ATRNL1: variants seen among roughly 807,000 people sequenced by gnomAD.
ATRNL1 encodes attractin-like protein 1.
A neutral mutation model predicts 182.7 loss-of-function variants in ATRNL1; 95 were observed. The ratio of observed to expected loss-of-function variants is 0.52; its 90% CI spans 0.44 to 0.62. The LOEUF is 0.62. Ranked by LOEUF, ATRNL1 falls within the 20% of genes least tolerant of loss-of-function variation. ATRNL1 has a pLI of 0.00. For missense variants in ATRNL1, 1,471 were observed against 1,679.5 expected, an observed-to-expected ratio of 0.88 and a Z score of 2.17; for synonymous variants, 576 against 568.3, an observed-to-expected ratio of 1.01 and a Z score of -0.19.
At chr10:115,738,664 A>T (rs1238861329) in intron 27 of ATRNL1, among the ~76,000 whole-genome samples, 1 of 152,166 alleles carries the variant, frequency 6.6e-6, no homozygotes, top group African/African-American at 2.4e-5. Context: ...ATTAACATAA[A>T]CATCGTGAGT....
At chr10:115,661,420 G>A (rs1021741491) in intron 26 of ATRNL1, among the ~76,000 whole-genome samples, 2 of 152,068 alleles carry the variant, frequency 1.3e-5, no homozygotes, top group African/African-American at 4.8e-5. Context: ...GGAGAAATGA[G>A]TTAGATCAAT....
chr10:115,535,694 G>C (rs1554990004), intron 25 of ATRNL1, among the ~76,000 whole-genome samples: 1 of 152,098 alleles, frequency 6.6e-6, no homozygotes, highest in Non-Finnish European at 1.5e-5. Context: ...CTGGTTTTTA[G>C]AGTTTCCAGT....
intron 26 of ATRNL1, among the ~76,000 whole-genome samples, chr10:115,583,106 T>G (rs1855242983): frequency 6.7e-6 from 1 of 150,264 alleles, no homozygotes; most frequent in Admixed American, 6.7e-5. Flanking sequence ...TTGATCTATA[T>G]CTCTGTTTTG....
intron 9 of ATRNL1, among the ~76,000 whole-genome samples, chr10:115,234,539 TA>T (rs1340873644): frequency 3.3e-5 from 5 of 151,876 alleles, no homozygotes; most frequent in African/African-American, 1.2e-4. Context: ...ATTGTACCAA[TA>T]TTTTTTACAA....
At chr10:115,409,328 A>G (rs782355865) in intron 20 of ATRNL1, among the ~76,000 whole-genome samples, 3 of 152,174 alleles carry the variant, frequency 2.0e-5, no homozygotes, top group Non-Finnish European at 4.4e-5. Context: ...TAGTTATTCT[A>G]GATGAGATTT....
chr10:115,827,237 A>G (rs1260348559), intron 27 of ATRNL1, among the ~76,000 whole-genome samples: 1 of 152,220 alleles, frequency 6.6e-6, no homozygotes, highest in Non-Finnish European at 1.5e-5. Context: ...ATTGCTTTAT[A>G]AAAACTGTAA....
chr10:115,671,536 G>A (rs1945697621), intron 26 of ATRNL1, among the ~76,000 whole-genome samples: 1 of 152,100 alleles, frequency 6.6e-6, no homozygotes, highest in Non-Finnish European at 1.5e-5. Flanking sequence ...ACTAGTTGAG[G>A]AAAGACATCT....
chr10:115,410,480 C>T (rs1445622816), intron 20 of ATRNL1, among the ~76,000 whole-genome samples: 2 of 151,670 alleles, frequency 1.3e-5, no homozygotes, highest in Admixed American at 1.3e-4. Flanking sequence ...CACCACACAC[C>T]CAGCTAATTT....
chr10:115,254,325 A>T (rs1554906174), intron 10 of ATRNL1, among the ~76,000 whole-genome samples: 2 of 152,172 alleles, frequency 1.3e-5, no homozygotes, highest in Admixed American at 1.3e-4. Flanking sequence ...AATGATTGCC[A>T]TTCTAACTGG....
intron 19 of ATRNL1, among the ~76,000 whole-genome samples, chr10:115,353,149 T>G (rs1856342760): frequency 6.6e-6 from 1 of 152,198 alleles, no homozygotes; most frequent in East Asian, 1.9e-4. Flanking sequence ...ATATGTTCAG[T>G]GTTGAAAGTG....
chr10:115,123,953 A>T (rs1415839434), intron 3 of ATRNL1, among the ~76,000 whole-genome samples: 1 of 151,494 alleles, frequency 6.6e-6, no homozygotes, highest in Admixed American at 6.6e-5. Flanking sequence ...AGATGGGACC[A>T]TCTAGTTGCA....
At position 115,212,830 on chromosome 10, in the gene ATRNL1, C is replaced by T. The variant is rs371690185; in HGVS notation, c.1349-2867C>T. Among the ~76,000 whole-genome samples, 23 of 151,914 alleles carry T rather than the reference C, an allele frequency of 1.5e-4. No individual in the cohort carries two copies. In the East Asian group the frequency reaches 2.9e-3, roughly 19 times the overall value. Reference sequence around the variant, plus strand: ...CATGGACACATAGAGGGAAAAAATGCACACTGGGGCCTATTGGAGGTGAAT... The same window carrying T: ...CATGGACACATAGAGGGAAAAAATGTACACTGGGGCCTATTGGAGGTGAAT... On this transcript the variant is annotated intron_variant, in intron 8 of 28. Transcript: ENST00000355044.
intron 27 of ATRNL1, among the ~76,000 whole-genome samples, chr10:115,799,294 T>G (rs77233728): frequency 0.016 from 2,478 of 152,296 alleles, 83 homozygotes; most frequent in African/African-American, 0.057. Flanking sequence ...CACCTGGCAA[T>G]AATGCAAATT....
chr10:115,314,625 A>G (rs115008913), intron 17 of ATRNL1, among the ~76,000 whole-genome samples: 1,963 of 152,294 alleles, frequency 0.013, 36 homozygotes, highest in African/African-American at 0.044. Context: ...AAAAGTAACT[A>G]TGTAAATAGG....
intron 10 of ATRNL1, among the ~76,000 whole-genome samples, chr10:115,255,817 T>C (rs1055000010): frequency 4.6e-5 from 7 of 152,250 alleles, no homozygotes; most frequent in African/African-American, 1.4e-4. Context: ...CTTCCATCAA[T>C]ACCTAATTTA....
At chr10:115,535,939 G>A (rs553360562) in intron 25 of ATRNL1, among the ~76,000 whole-genome samples, 84 of 151,860 alleles carry the variant, frequency 5.5e-4, no homozygotes, top group Non-Finnish European at 6.5e-4. Context: ...CGTGAACCAC[G>A]AATGCTGCTG....
chr10:115,659,214 G>A (rs1860522899), intron 26 of ATRNL1, among the ~76,000 whole-genome samples: 1 of 151,854 alleles, frequency 6.6e-6, no homozygotes, highest in African/African-American at 2.4e-5. Flanking sequence ...GCTTGTGGAG[G>A]GTCCTACACA....
At chr10:115,446,791 A>G (rs1407098766) in intron 21 of ATRNL1, among the ~76,000 whole-genome samples, 1 of 151,966 alleles carries the variant, frequency 6.6e-6, no homozygotes, top group Non-Finnish European at 1.5e-5. Context: ...CTTTCTTTAT[A>G]TCTATTTTAC....
At chr10:115,865,049 A>G (rs1951408311) in intron 28 of ATRNL1, among the ~76,000 whole-genome samples, 1 of 152,164 alleles carries the variant, frequency 6.6e-6, no homozygotes, top group African/African-American at 2.4e-5. Flanking sequence ...CAAAACCACC[A>G]AAACTCTTCA....
Sources: allele counts gnomAD v4.1 joint callset (sites outside exome capture counted in the v4.1 genomes callset), GRCh38; gene constraint gnomAD v4.1.1; transcripts MANE v1.5; gene names NCBI Gene and HGNC (gene_info 2026-07-23, HGNC 2026-07-21).